Variants in ADAMTS19 observed in about 807,000 individuals in gnomAD.
The protein encoded by ADAMTS19 is ADAM metallopeptidase with thrombospondin type 1 motif 19, also known as A disintegrin and metalloproteinase with thrombospondin motifs 19.
In ADAMTS19, 93 loss-of-function variants were observed where a neutral mutation model predicts 153.3. The observed-to-expected ratio is 0.61, with a 90% CI of 0.51 to 0.72. ADAMTS19 has a LOEUF of 0.72. Among genes scored for constraint, ADAMTS19 ranks in the 30% least tolerant of loss-of-function variants. The pLI is 0.00. For missense variants in ADAMTS19, 1,482 were observed against 1,552.1 expected, an observed-to-expected ratio of 0.95 and a Z score of 0.76; for synonymous variants, 600 against 556.6, an observed-to-expected ratio of 1.08 and a Z score of -1.10.
chr5:129,664,882 A>G (rs1753971565), intron 15 of ADAMTS19, among the ~76,000 whole-genome samples: 1 of 152,086 alleles, frequency 6.6e-6, no homozygotes, highest in East Asian at 1.9e-4. Context: ...CTGCTGAAAA[A>G]TGTTTCCTGA....
chr5:129,550,739 T>G lies in ADAMTS19; in HGVS notation c.1329-1125T>G, dbSNP rs954134483. Reference sequence around the variant, plus strand: ...TTTTTTTTATCATTTAGATACAGCTTTCAGATCCTGTAACAGAGAGGAAAT... The same window carrying G: ...TTTTTTTTATCATTTAGATACAGCTGTCAGATCCTGTAACAGAGAGGAAAT... On this transcript the variant is annotated intron_variant, in intron 6 of 22. Transcript: ENST00000274487. 8.6e-5 allele frequency among the ~76,000 whole-genome samples: 13 copies of G among 151,626 alleles called. 1 individual carries two copies. The highest frequency in any genetic ancestry group is 8.6e-4 in the Admixed American group (13 of 15,164).
intron 15 of ADAMTS19, 148 bp from the exon 16 acceptor site, chr5:129,665,351 G>T: frequency 2.0e-6 from 1 of 510,096 alleles, no homozygotes; most frequent in Non-Finnish European, 3.4e-6. Context: ...AATCATGACA[G>T]CTTTTATATA....
chr5:129,471,491 G>T (rs527786874), intron 2 of ADAMTS19, among the ~76,000 whole-genome samples: 20 of 151,462 alleles, frequency 1.3e-4, no homozygotes, highest in African/African-American at 4.6e-4. Context: ...AGGAAAGCAG[G>T]CAGGCAGGCA....
intron 16 of ADAMTS19, among the ~76,000 whole-genome samples, chr5:129,667,183 A>G (rs1029801203): frequency 6.6e-6 from 1 of 152,126 alleles, no homozygotes; most frequent in Non-Finnish European, 1.5e-5. Context: ...TTAAACACTT[A>G]TAGGACCACT....
chr5:129,598,886 G>T (rs1338303252), intron 8 of ADAMTS19, among the ~76,000 whole-genome samples: 1 of 152,132 alleles, frequency 6.6e-6, no homozygotes, highest in Non-Finnish European at 1.5e-5. Context: ...TATTTGAGAA[G>T]TTTGTCCTCT....
At chr5:129,605,524 A>G (rs1180413836) in intron 8 of ADAMTS19, among the ~76,000 whole-genome samples, 1 of 152,208 alleles carries the variant, frequency 6.6e-6, no homozygotes, top group African/African-American at 2.4e-5. Context: ...CCTTTCTGAT[A>G]ACATTTCTTA....
chr5:129,566,285 T>C (rs1012907658), intron 7 of ADAMTS19, among the ~76,000 whole-genome samples: 8 of 152,150 alleles, frequency 5.3e-5, no homozygotes, highest in African/African-American at 1.4e-4. Context: ...AAAAAAAATA[T>C]AATTCCCTAG....
chr5:129,599,006 G>T (rs1750517212), intron 8 of ADAMTS19, among the ~76,000 whole-genome samples: 1 of 151,964 alleles, frequency 6.6e-6, no homozygotes, highest in Non-Finnish European at 1.5e-5. Flanking sequence ...TTGTTCAAGG[G>T]TCAAGTGTCC....
At chr5:129,712,622 C>T (rs369538383) in intron 21 of ADAMTS19, among the ~76,000 whole-genome samples, 71 of 151,930 alleles carry the variant, frequency 4.7e-4, no homozygotes, top group African/African-American at 1.7e-3. Flanking sequence ...TGAAAATCTC[C>T]TGAGAGTCTT....
chr5:129,652,351 C>G (rs780230746), intron 13 of ADAMTS19, among the ~76,000 whole-genome samples: 2 of 152,184 alleles, frequency 1.3e-5, no homozygotes, highest in African/African-American at 2.4e-5. Flanking sequence ...TTATATAATA[C>G]TTGAATCCCT....
intron 21 of ADAMTS19, among the ~76,000 whole-genome samples, chr5:129,706,112 G>GA (rs1756139519): frequency 6.6e-6 from 1 of 152,158 alleles, no homozygotes; most frequent in Non-Finnish European, 1.5e-5. Context: ...AGAGGGCAGG[G>GA]AAAATCACCT....
intron 21 of ADAMTS19, among the ~76,000 whole-genome samples, chr5:129,709,008 C>A (rs1756312680): frequency 1.3e-5 from 2 of 151,952 alleles, no homozygotes; most frequent in Admixed American, 1.3e-4. Flanking sequence ...GTGATAGATA[C>A]AAAGCCTGCA....
chr5:129,658,351 A>AAGAAAGAGAGAGAGAGAGAGAG (rs1554103338), intron 14 of ADAMTS19, among the ~76,000 whole-genome samples: 113 of 133,094 alleles, frequency 8.5e-4, no homozygotes, highest in Non-Finnish European at 1.3e-3. Context: ...GAAAGAAAGA[A>AAGAAAGAGAGAGAGAGAGAGAG]AGAAAGAAAG....
chr5:129,706,798 C>A (rs1004258876), intron 21 of ADAMTS19, among the ~76,000 whole-genome samples: 1 of 152,078 alleles, frequency 6.6e-6, no homozygotes, highest in African/African-American at 2.4e-5. Context: ...TGTGTGGCCT[C>A]TGGGTTAAAT....
chr5:129,596,326 T>G (rs1181562124), intron 7 of ADAMTS19, among the ~76,000 whole-genome samples: 1 of 152,098 alleles, frequency 6.6e-6, no homozygotes, highest in African/African-American at 2.4e-5. Flanking sequence ...AACTTGATAA[T>G]TGGTAAAATA....
chr5:129,715,109 A>C (rs1253332601), intron 21 of ADAMTS19, among the ~76,000 whole-genome samples: 1 of 152,196 alleles, frequency 6.6e-6, no homozygotes, highest in East Asian at 1.9e-4. Flanking sequence ...ACATATTAAA[A>C]TGTTTCTACA....
At chr5:129,460,662 C>A in intron 1 of ADAMTS19, 180 bp downstream of exon 1, 1 of 660,776 alleles carries the variant, frequency 1.5e-6, no homozygotes, top group Non-Finnish European at 2.6e-6. Context: ...ACACTTCTGC[C>A]GGCCTCGTTT....
chr5:129,578,079 CATATAT>C (rs1202434224), intron 7 of ADAMTS19, among the ~76,000 whole-genome samples: 5,924 of 88,436 alleles, frequency 0.067, 622 homozygotes, highest in Non-Finnish European at 0.1. Context: ...CACACACACA[CATATAT>C]ACATATACAT....
intron 6 of ADAMTS19, 145 bp from the exon 7 acceptor site, chr5:129,551,719 A>T (rs1753126548): frequency 5.4e-6 from 3 of 552,782 alleles, no homozygotes; most frequent in Admixed American, 3.9e-5. Context: ...AGAATTAAAA[A>T]TTAATCTTAT....
Sources: gnomAD v4.1 joint callset for allele counts (sites outside exome capture counted in the v4.1 genomes callset) on GRCh38, gnomAD v4.1.1 for gene constraint, MANE v1.5 for transcripts, NCBI Gene and HGNC (gene_info 2026-07-23, HGNC 2026-07-21) for gene names.